PRDM16: variants seen among roughly 807,000 people sequenced by gnomAD.
PRDM16 encodes the protein histone-lysine N-methyltransferase PRDM16.
Under a neutral mutation model 110.6 loss-of-function variants are expected in PRDM16, and 23 were observed. That is an observed-to-expected ratio of 0.21 (90% CI 0.15 to 0.29). The LOEUF (loss-of-function observed/expected upper bound fraction) is 0.29, where lower values mean the gene tolerates loss of function less well. PRDM16 is among the 10% of genes least tolerant of loss of function. The pLI, the probability that PRDM16 is intolerant of heterozygous loss-of-function variation, is 1.00. For missense variants in PRDM16, 1,615 were observed against 1,794.3 expected, an observed-to-expected ratio of 0.90 and a Z score of 1.81; for synonymous variants, 799 against 781.8, an observed-to-expected ratio of 1.02 and a Z score of -0.37.
chr1:3,160,657 C>A (rs1643890153), intron 1 of PRDM16, among the ~76,000 whole-genome samples: 1 of 152,210 alleles, frequency 6.6e-6, no homozygotes, highest in Non-Finnish European at 1.5e-5. Flanking sequence ...TGGGTCCCTG[C>A]CCTAGAACCC....
chr1:3,337,011 ATG>A (rs1300822134), intron 3 of PRDM16, among the ~76,000 whole-genome samples: 2 of 150,892 alleles, frequency 1.3e-5, no homozygotes, highest in Non-Finnish European at 2.9e-5. Flanking sequence ...ATGCATGCAC[ATG>A]TGTGTTGGAG....
At position 3,190,727 on chromosome 1, in the gene PRDM16, G is replaced by A. The variant is rs1472661740; in HGVS notation, c.387+4253G>A. ...ATACCACGCCCCGCCGGTCGCCGCC[G>A]AAGCCCACCTGCCTGGAGGAAATCA... On this transcript the variant is annotated intron_variant, in intron 2 of 16. Coordinates refer to ENST00000270722, the MANE Select transcript of PRDM16 (RefSeq NM_022114.4). The surrounding 1 kb of genome is among the most constrained non-coding windows in gnomAD (Gnocchi z 5.0). Among the ~76,000 whole-genome samples the A allele has an allele frequency of 2.0e-5, 3 of 152,218 alleles. No individual in the cohort carries two copies. The highest frequency in any genetic ancestry group is 6.5e-5 in the Admixed American group (1 of 15,284).
At chr1:3,354,419 C>T (rs1289473270) in intron 3 of PRDM16, among the ~76,000 whole-genome samples, 1 of 148,198 alleles carries the variant, frequency 6.7e-6, no homozygotes, top group Non-Finnish European at 1.5e-5. Context: ...GAGATTGCAC[C>T]ACTGCACTCC....
At chr1:3,321,793 T>C (rs1188032323) in intron 3 of PRDM16, among the ~76,000 whole-genome samples, 1 of 147,018 alleles carries the variant, frequency 6.8e-6, no homozygotes, top group Non-Finnish European at 1.5e-5. Flanking sequence ...GCTGTGCAAG[T>C]GTGCGTGCGT....
intron 1 of PRDM16, chr1:3,133,065 G>A (rs1162572897): frequency 6.6e-6 from 1 of 152,298 alleles, no homozygotes; most frequent in African/African-American, 2.4e-5. Context: ...CCGTGCCTCT[G>A]ACTGGGTGGT....
chr1:3,348,607 G>A (rs185152698), intron 3 of PRDM16, among the ~76,000 whole-genome samples: 3 of 152,260 alleles, frequency 2.0e-5, no homozygotes, highest in African/African-American at 7.2e-5. Context: ...GAAGGAGGGG[G>A]GCTTCCCCGG....
Position 3,375,509 on chromosome 1 carries a change from T to C in PRDM16, c.439-9643T>C, listed in dbSNP as rs565806413. Among the ~76,000 whole-genome samples the C allele has an allele frequency of 2.4e-4, 36 of 152,322 alleles. 1 individual carries two copies. The highest frequency in any genetic ancestry group is 2.4e-3 in the Admixed American group (36 of 15,302). On this transcript the variant is annotated intron_variant, in intron 3 of 16. Coordinates refer to ENST00000270722, the MANE Select transcript of PRDM16 (RefSeq NM_022114.4). ...GAGGTGCCACGAAGGACGAGCCACA[T>C]GCCAGAGAGGAAGCCCAGCCCCCAA...
chr1:3,269,484 C>T (rs1444528218), intron 3 of PRDM16, among the ~76,000 whole-genome samples: 1 of 142,598 alleles, frequency 7.0e-6, no homozygotes, highest in African/African-American at 2.6e-5. Flanking sequence ...GAGGAAAGTC[C>T]CAGAGGAGGA....
chr1:3,145,898 C>A (rs1025605596), intron 1 of PRDM16, among the ~76,000 whole-genome samples: 2 of 152,208 alleles, frequency 1.3e-5, no homozygotes, highest in Non-Finnish European at 1.5e-5. Flanking sequence ...CCGGTCAGCC[C>A]GGGGTCAGGC....
chr1:3,179,138 G>A (rs866563878), intron 1 of PRDM16, among the ~76,000 whole-genome samples: 28 of 152,200 alleles, frequency 1.8e-4, no homozygotes, highest in African/African-American at 4.6e-4. Context: ...CCCATATGGC[G>A]CCCACCACAC....
chr1:3,169,852 C>T (rs920197373), intron 1 of PRDM16, among the ~76,000 whole-genome samples: 1 of 152,230 alleles, frequency 6.6e-6, no homozygotes, highest in African/African-American at 2.4e-5. Flanking sequence ...CTCGGGTCAG[C>T]GGCGAGCTAA....
chr1:3,405,019 G>C lies in PRDM16; in HGVS notation c.1032+133G>C, dbSNP rs914699816. On this transcript the variant is annotated intron_variant, in intron 7 of 16. Transcript: ENST00000270722. ...GGCAGAGTGGGTAGGAGGCCCCTGCGGTGGCTCGGGCCCTTCCGTGTGACT... is the reference window on the plus strand; with the variant it reads ...GGCAGAGTGGGTAGGAGGCCCCTGCCGTGGCTCGGGCCCTTCCGTGTGACT... The C allele has an allele frequency of 8.7e-6, 8 of 922,716 alleles. No individual in the cohort carries two copies. In the South Asian group the frequency reaches 1.0e-4, roughly 12 times the overall value. 57.2% of individuals were successfully genotyped at this position (922,716 alleles called of 1,614,324 possible).
chr1:3,421,923 G>GGCAA (rs1638442904), intron 12 of PRDM16, among the ~76,000 whole-genome samples: 2 of 53,976 alleles, frequency 3.7e-5, no homozygotes, highest in Non-Finnish European at 1.2e-4. Context: ...CAGGAAGACA[G>GGCAA]ACAGGCAGGC....
chr1:3,218,535 G>A (rs952249792), intron 2 of PRDM16, among the ~76,000 whole-genome samples: 57 of 152,220 alleles, frequency 3.7e-4, no homozygotes, highest in South Asian at 2.1e-4. Flanking sequence ...GGTGGGCATC[G>A]GTGGGGCCTG....
chr1:3,177,628 G>A (rs1290554223), intron 1 of PRDM16, among the ~76,000 whole-genome samples: 1 of 152,196 alleles, frequency 6.6e-6, no homozygotes, highest in Non-Finnish European at 1.5e-5. Context: ...CCAGGAGAGC[G>A]AGCCAACGTC....
intron 2 of PRDM16, among the ~76,000 whole-genome samples, chr1:3,200,495 A>G (rs1638594683): frequency 1.3e-5 from 2 of 152,140 alleles, no homozygotes; most frequent in African/African-American, 4.8e-5. Context: ...GGCGCCCGCC[A>G]CCACGCCTGG....
chr1:3,287,279 G>A (rs1323402772), intron 3 of PRDM16, among the ~76,000 whole-genome samples: 2 of 146,192 alleles, frequency 1.4e-5, no homozygotes, highest in African/African-American at 2.6e-5. Context: ...GCCCCGCCAC[G>A]CGGGCATCCA....
At chr1:3,327,600 G>A (rs950751994) in intron 3 of PRDM16, among the ~76,000 whole-genome samples, 74 of 152,348 alleles carry the variant, frequency 4.9e-4, no homozygotes, top group African/African-American at 1.6e-3. Context: ...CATGGCTGCC[G>A]CCCATGACAT....
rs187555083 is a variant in PRDM16 at position 3,126,120 on chromosome 1, C to T, written c.37+56824C>T. ...ATACAACTGTTTAAATATTCCAAACCGAACTGTCTCAATAAACGCGGGGAG... is the reference window on the plus strand; with the variant it reads ...ATACAACTGTTTAAATATTCCAAACTGAACTGTCTCAATAAACGCGGGGAG... On this transcript the variant is annotated intron_variant, in intron 1 of 16. Coordinates refer to ENST00000270722, the MANE Select transcript of PRDM16 (RefSeq NM_022114.4). 9.2e-5 allele frequency among the ~76,000 whole-genome samples: 14 copies of T among 152,328 alleles called. 1 individual carries two copies. Among genetic ancestry groups the T allele is most frequent in the African/African-American group, 3.1e-4 (13 of 41,574 alleles).
Sources: gnomAD v4.1 joint callset for allele counts (sites outside exome capture counted in the v4.1 genomes callset) on GRCh38, gnomAD v4.1.1 for gene constraint, Gnocchi (gnomAD v3.1) non-coding constraint, MANE v1.5 for transcripts, NCBI Gene and HGNC (gene_info 2026-07-23, HGNC 2026-07-21) for gene names.